Variants in DHRSX observed in about 807,000 individuals in gnomAD.
DHRSX encodes polyprenol dehydrogenase.
A neutral mutation model predicts 34.0 loss-of-function variants in DHRSX; 31 were observed. The ratio of observed to expected loss-of-function variants is 0.91; its 90% CI spans 0.69 to 1.23. The LOEUF (loss-of-function observed/expected upper bound fraction) is 1.23. Ranked by LOEUF, DHRSX falls within the 50% of genes most tolerant of loss-of-function variation. The pLI is 0.00. For missense variants in DHRSX, 414 were observed against 428.1 expected (o/e 0.97, Z 0.29); for synonymous variants, 201 against 183.8 (o/e 1.09, Z -0.76).
In DHRSX at chrX:2,243,075, A is replaced by C. The variant is rs1323279040; in HGVS notation, c.752T>G (p.Val251Gly). 6 of 1,613,714 alleles carry C rather than the reference A, an allele frequency of 3.7e-6. No homozygotes were observed. The highest frequency in any genetic ancestry group is 1.7e-5 in the Admixed American group (1 of 59,968). ...CTTCGCCAGACGGGTGGCCCAGAAC[A>C]CGTGCTTGTAGACGTCCGTGTTGAC... Reference protein sequence around the residue: ...GVVNTDVYKHVFWATRLAKKL... With the variant: ...GVVNTDVYKHGFWATRLAKKL... Residue 251 changes from valine (V) to glycine (G), a missense_variant, in exon 6 of 7, where the codon GTG (valine) becomes GGG (glycine). Physicochemically the swap from Val to Gly is moderately radical, Grantham distance 109. Coordinates refer to ENST00000334651, the MANE Select transcript of DHRSX (RefSeq NM_145177.3).
At chrX:2,329,212 G>A (rs1407434369) in intron 3 of DHRSX, among the ~76,000 whole-genome samples, 5 of 152,076 alleles carry the variant, frequency 3.3e-5, no homozygotes, top group African/African-American at 1.2e-4. Flanking sequence ...TTGGCCATGG[G>A]TAGCTGGAGC....
intron 1 of DHRSX, chrX:2,489,032 T>C: frequency 6.2e-7 from 1 of 1,613,444 alleles, no homozygotes. Flanking sequence ...GGCATGCCAC[T>C]CTTCCTGGTC....
At chrX:2,384,942 G>A (rs1286770184) in intron 3 of DHRSX, among the ~76,000 whole-genome samples, 8 of 145,124 alleles carry the variant, frequency 5.5e-5, no homozygotes, top group South Asian at 2.3e-4. Flanking sequence ...AAAAAAAAAA[G>A]AAAAAAAAAT....
chrX:2,222,658 G>T (rs1412154566), intron 6 of DHRSX, among the ~76,000 whole-genome samples: 19 of 152,200 alleles, frequency 1.2e-4, no homozygotes, highest in African/African-American at 4.6e-4. Context: ...CAGGAGGACT[G>T]CTTGAGTCCA....
At chrX:2,320,060 C>T (rs1020704042) in intron 3 of DHRSX, among the ~76,000 whole-genome samples, 1 of 151,852 alleles carries the variant, frequency 6.6e-6, no homozygotes, top group Non-Finnish European at 1.5e-5. Context: ...AACTCCCGAC[C>T]TCAGGTGATC....
chrX:2,420,864 C>T (rs2043771303), intron 2 of DHRSX, among the ~76,000 whole-genome samples: 1 of 152,130 alleles, frequency 6.6e-6, no homozygotes, highest in Non-Finnish European at 1.5e-5. Flanking sequence ...TGCTCACCTG[C>T]TTCCGAAGCT....
intron 3 of DHRSX, among the ~76,000 whole-genome samples, chrX:2,379,339 A>G (rs2043177538): frequency 6.6e-6 from 1 of 152,190 alleles, no homozygotes; most frequent in African/African-American, 2.4e-5. Context: ...TGTCCTTGAT[A>G]ACTGTGCCAA....
At chrX:2,243,331 C>T (rs1156637018) in intron 5 of DHRSX, 101 bp from the exon 6 acceptor site, 9 of 969,350 alleles carry the variant, frequency 9.3e-6, no homozygotes, top group South Asian at 4.5e-5. Flanking sequence ...CACGTCTATA[C>T]GCAGCCACCT....
intron 3 of DHRSX, among the ~76,000 whole-genome samples, chrX:2,300,912 T>A (rs183833067): frequency 2.5e-3 from 387 of 152,284 alleles, no homozygotes; most frequent in Middle Eastern, 0.014. Flanking sequence ...ATGTTTAATT[T>A]TATTAAGTAT....
intron 3 of DHRSX, among the ~76,000 whole-genome samples, chrX:2,335,956 C>A (rs1238971786): frequency 6.6e-6 from 1 of 152,094 alleles, no homozygotes; most frequent in Admixed American, 6.6e-5. Context: ...GTAGCTCTTT[C>A]AACTTCTGAG....
At chrX:2,500,761 C>T in intron 1 of DHRSX, 56 bp downstream of exon 1, 1 of 914,316 alleles carries the variant, frequency 1.1e-6, no homozygotes, top group Non-Finnish European at 1.3e-6. Flanking sequence ...CGCCCCCGAG[C>T]CAGCCCGCGC....
chrX:2,447,579 AC>A (rs2044154754), intron 1 of DHRSX, among the ~76,000 whole-genome samples: 1 of 151,364 alleles, frequency 6.6e-6, no homozygotes, highest in South Asian at 2.1e-4. Flanking sequence ...GGATACCTGC[AC>A]CCCCTGTGCA....
At chrX:2,482,949 A>G (rs766850390) in intron 1 of DHRSX, among the ~76,000 whole-genome samples, 2 of 152,326 alleles carry the variant, frequency 1.3e-5, no homozygotes, top group East Asian at 3.9e-4. Context: ...CAAAACAGGG[A>G]AAAGAAAGGC....
chrX:2,261,986 C>T (rs2041369620), intron 5 of DHRSX, among the ~76,000 whole-genome samples: 1 of 152,174 alleles, frequency 6.6e-6, no homozygotes, highest in African/African-American at 2.4e-5. Flanking sequence ...GTCGTGTCTG[C>T]AGCAAGTGCT....
chrX:2,235,144 G>T (rs1422319242), intron 6 of DHRSX, among the ~76,000 whole-genome samples: 1 of 152,190 alleles, frequency 6.6e-6, no homozygotes, highest in Non-Finnish European at 1.5e-5. Context: ...AGTTTGAAAA[G>T]CAGGCCGTTC....
chrX:2,301,530 G>A (rs2042009078), intron 3 of DHRSX, among the ~76,000 whole-genome samples: 1 of 152,240 alleles, frequency 6.6e-6, no homozygotes, highest in Non-Finnish European at 1.5e-5. Flanking sequence ...TTGCTGCGTG[G>A]AGCAGAGATG....
chrX:2,346,064 G>T (rs1254668541), intron 3 of DHRSX, among the ~76,000 whole-genome samples: 2 of 152,184 alleles, frequency 1.3e-5, no homozygotes, highest in Admixed American at 1.3e-4. Flanking sequence ...AGTTTTAGGT[G>T]AACGCCAAGG....
At chrX:2,226,576 G>A (rs76761590) in intron 6 of DHRSX, among the ~76,000 whole-genome samples, 60,171 of 151,876 alleles carry the variant, frequency 0.4, 13,252 homozygotes, top group Middle Eastern at 0.53. Context: ...CGAGGCAGGC[G>A]GATCGCGAGG....
At chrX:2,347,580 G>C (rs1406775301) in intron 3 of DHRSX, among the ~76,000 whole-genome samples, 3 of 152,306 alleles carry the variant, frequency 2.0e-5, no homozygotes, top group African/African-American at 4.8e-5. Flanking sequence ...TGTAATCCCA[G>C]CTAATTAAAA....
Sources: gnomAD v4.1 joint callset for allele counts (sites outside exome capture counted in the v4.1 genomes callset) on GRCh38, gnomAD v4.1.1 for gene constraint, MANE v1.5 for transcripts, NCBI Gene and HGNC (gene_info 2026-07-23, HGNC 2026-07-21) for gene names.